KPNA4: variants seen among roughly 807,000 people sequenced by gnomAD.
KPNA4 encodes karyopherin subunit alpha 4.
A neutral mutation model predicts 71.3 loss-of-function variants in KPNA4; 13 were observed. That is an observed-to-expected ratio of 0.18 (90% confidence interval 0.12 to 0.29). The LOEUF is 0.29. Among genes scored for constraint, KPNA4 ranks in the 10% least tolerant of loss-of-function variants. The pLI is 1.00. For synonymous variants in KPNA4, 189 were observed against 195.2 expected (o/e 0.97, Z 0.26); for missense variants, 334 against 603.2 (o/e 0.55, Z 4.67).
At chr3:160,517,588 T>G (rs1393807052) in intron 11 of KPNA4, among the ~76,000 whole-genome samples, 1 of 152,102 alleles carries the variant, frequency 6.6e-6, no homozygotes, top group East Asian at 1.9e-4. Context: ...ACCAGCAGTA[T>G]ATACGAATTC....
chr3:160,536,364 A>C (rs529037100), intron 2 of KPNA4, among the ~76,000 whole-genome samples: 4 of 152,284 alleles, frequency 2.6e-5, no homozygotes, highest in African/African-American at 9.6e-5. Flanking sequence ...TTTCAACTTC[A>C]CTTAAAATGC....
intron 10 of KPNA4, among the ~76,000 whole-genome samples, chr3:160,522,901 T>G (rs2108549162): frequency 6.8e-6 from 1 of 147,326 alleles, no homozygotes; most frequent in Admixed American, 6.7e-5. Context: ...AAAAAAAGCC[T>G]GTGTAATCAA....
intron 1 of KPNA4, among the ~76,000 whole-genome samples, chr3:160,541,216 A>T (rs914605460): frequency 6.6e-6 from 1 of 152,202 alleles, no homozygotes; most frequent in South Asian, 2.1e-4. Context: ...TTAAAGCCCT[A>T]AAAATTGTTA....
At chr3:160,547,439 G>A (rs1577061093) in intron 1 of KPNA4, among the ~76,000 whole-genome samples, 1 of 152,098 alleles carries the variant, frequency 6.6e-6, no homozygotes, top group African/African-American at 2.4e-5. Context: ...GCAGTTTTAG[G>A]TTTACAGGAA....
chr3:160,521,535 G>A (rs1227294842), intron 11 of KPNA4, among the ~76,000 whole-genome samples: 1 of 152,184 alleles, frequency 6.6e-6, no homozygotes, highest in Non-Finnish European at 1.5e-5. Flanking sequence ...CCTAGGAAGT[G>A]GAGGTTGTAG....
At chr3:160,552,202 AG>A (rs1458249525) in intron 1 of KPNA4, among the ~76,000 whole-genome samples, 4 of 152,202 alleles carry the variant, frequency 2.6e-5, no homozygotes, top group African/African-American at 9.7e-5. Context: ...AGAATATGGA[AG>A]ATTATTTTTA....
intron 7 of KPNA4, 149 bp from the exon 8 acceptor site, chr3:160,528,188 G>A: frequency 1.9e-6 from 1 of 524,434 alleles, no homozygotes. Flanking sequence ...TATTGGAATA[G>A]CATCATTGGA....
At chr3:160,519,801 CAAAAAAAAAAAA>C (rs558355699) in intron 11 of KPNA4, among the ~76,000 whole-genome samples, 14 of 83,692 alleles carry the variant, frequency 1.7e-4, no homozygotes, top group South Asian at 8.6e-4. Context: ...GACTCCGTCT[CAAAAAAAAAAAA>C]AAAAAAAAAA....
intron 1 of KPNA4, among the ~76,000 whole-genome samples, chr3:160,548,418 T>C (rs1308878813): frequency 6.6e-6 from 1 of 152,170 alleles, no homozygotes; most frequent in African/African-American, 2.4e-5. Context: ...TATCCTGGTC[T>C]TGCAAAAACG....
At chr3:160,515,166 A>AT (rs550264463) in intron 12 of KPNA4, 96 of 530,160 alleles carry the variant, frequency 1.8e-4, no homozygotes, top group South Asian at 1.1e-3. Context: ...TAAGAATTAC[A>AT]TAATATACAT....
intron 1 of KPNA4, among the ~76,000 whole-genome samples, chr3:160,556,330 C>T (rs1722136576): frequency 6.6e-6 from 1 of 151,632 alleles, no homozygotes; most frequent in African/African-American, 2.4e-5. Flanking sequence ...TTTTACATTC[C>T]CATCAGGCAT....
chr3:160,551,939 TGG>T (rs56941217), intron 1 of KPNA4, among the ~76,000 whole-genome samples: 5,062 of 62,122 alleles, frequency 0.081, 400 homozygotes, highest in African/African-American at 0.19. Context: ...TTGTCACAAC[TGG>T]GGGGGGGGGG....
chr3:160,536,855 AAGGAAAATAT>A lies in KPNA4; in HGVS notation c.70-25_70-16del. Reference sequence around the variant, plus strand: ...CTTCTCATAGTCTACAAAAAAATTAAAGGAAAATATTTTTAAAATCACCTCAAATTCCATT... The same window carrying A: ...CTTCTCATAGTCTACAAAAAAATTAATTTTAAAATCACCTCAAATTCCATT... On this transcript the variant is annotated splice_polypyrimidine_tract_variant and intron_variant, in intron 1 of 16. Transcript: ENST00000334256. 6.7e-7 allele frequency: 1 copy of A among 1,494,252 alleles called. No individual in the cohort carries two copies. Among genetic ancestry groups the A allele is most frequent in the African/African-American group, 1.4e-5 (1 of 72,516 alleles). The allele number at this position is 1,494,252 out of a possible 1,614,324, so 92.6% of individuals were successfully genotyped here. A position where few individuals can be genotyped will look rare whatever the true frequency, so the allele number is the denominator to read the frequency against.
intron 13 of KPNA4, among the ~76,000 whole-genome samples, chr3:160,512,187 T>C (rs1281146028): frequency 2.0e-5 from 3 of 152,146 alleles, no homozygotes; most frequent in Non-Finnish European, 1.5e-5. Context: ...CAAGATACCA[T>C]AGAAAAATAG....
intron 1 of KPNA4, among the ~76,000 whole-genome samples, chr3:160,552,114 G>A (rs1322254480): frequency 6.6e-6 from 1 of 152,028 alleles, no homozygotes; most frequent in African/African-American, 2.4e-5. Context: ...ACTCTCATGA[G>A]AATTCAAATT....
chr3:160,503,478 T>C (rs1186974867), intron 16 of KPNA4, among the ~76,000 whole-genome samples: 1 of 152,150 alleles, frequency 6.6e-6, no homozygotes, highest in African/African-American at 2.4e-5. Context: ...TCTGGTCCCA[T>C]GCATTTCAGG....
At chr3:160,554,919 A>C (rs932099707) in intron 1 of KPNA4, among the ~76,000 whole-genome samples, 3 of 152,204 alleles carry the variant, frequency 2.0e-5, no homozygotes, top group Admixed American at 1.3e-4. Context: ...TGCTTCCCTG[A>C]GTTCTGTGAG....
intron 7 of KPNA4, among the ~76,000 whole-genome samples, chr3:160,530,137 A>G (rs1367825833): frequency 2.1e-5 from 3 of 140,734 alleles, no homozygotes; most frequent in African/African-American, 8.9e-5. Flanking sequence ...TCCATCTCAA[A>G]AAAAAAAAAA....
In KPNA4 at chr3:160,500,803, T is replaced by A. The variant is rs1488107936; in HGVS notation, c.*1301A>T. ...CTACTCAAACCTCTTCATCGGTCTT[T>A]ATTCAGCAGTACATATGCACCAAAT... On this transcript the variant is annotated 3_prime_UTR_variant, in exon 17 of 17. Coordinates refer to ENST00000334256, the MANE Select transcript of KPNA4 (RefSeq NM_002268.5). 2 of 152,622 alleles carry A rather than the reference T, an allele frequency of 1.3e-5. No homozygotes were observed. The highest frequency in any genetic ancestry group is 4.8e-5 in the African/African-American group (2 of 41,452). 9.5% of individuals were successfully genotyped at this position (152,622 alleles called of 1,614,324 possible).
Sources: allele counts gnomAD v4.1 joint callset (sites outside exome capture counted in the v4.1 genomes callset), GRCh38; gene constraint gnomAD v4.1.1; transcripts MANE v1.5; gene names NCBI Gene and HGNC (gene_info 2026-07-23, HGNC 2026-07-21).